ITGA9: variants seen among roughly 807,000 people sequenced by gnomAD.
The protein encoded by ITGA9 is integrin subunit alpha 9.
A neutral mutation model predicts 127.8 loss-of-function variants in ITGA9; 56 were observed. That is an observed-to-expected ratio of 0.44 (90% CI 0.35 to 0.55). The LOEUF (loss-of-function observed/expected upper bound fraction) is 0.55, where lower values mean the gene tolerates loss of function less well. ITGA9 is among the 20% of genes least tolerant of loss of function. The probability of loss-of-function intolerance (pLI) is 0.00; values close to 1 mark genes in which losing one functional copy is unlikely to be tolerated. For missense variants in ITGA9, 1,196 were observed against 1,347.1 expected, an observed-to-expected ratio of 0.89 and a Z score of 1.76; for synonymous variants, 508 against 514.5, an observed-to-expected ratio of 0.99 and a Z score of 0.17.
chr3:37,452,411 C>A lies in ITGA9; in HGVS notation c.37C>A (p.Leu13Ile). Residue 13 changes from leucine (L) to isoleucine (I), a missense_variant, in exon 1 of 28, where the codon CTC becomes ATC. Physicochemically the swap from Leu to Ile is conservative, Grantham distance 5. Transcript: ENST00000264741. This position sits in a 1 kb window ranked among gnomAD's most constrained non-coding sequence, Gnocchi z 7.3. ...GGCTGCGCCGAGGGGCGCCGGGAGG[C>A]TCCGCGCGCTGCTGCTGGCGCTGGT... ...GPAAPRGAGRLRALLLALVVA... is the reference protein window; with the variant it reads ...GPAAPRGAGRIRALLLALVVA... The A allele has an allele frequency of 3.5e-6, 5 of 1,436,852 alleles. No individual in the cohort carries two copies. Among genetic ancestry groups the A allele is most frequent in the Non-Finnish European group, 4.6e-6 (5 of 1,092,562 alleles). The allele number at this position is 1,436,852 out of a possible 1,614,324, so 89.0% of individuals were successfully genotyped here. A position where few individuals can be genotyped will look rare whatever the true frequency, so the allele number is the denominator to read the frequency against.
chr3:37,622,876 C>T (rs1700140850), intron 15 of ITGA9, among the ~76,000 whole-genome samples: 1 of 152,002 alleles, frequency 6.6e-6, no homozygotes, highest in Admixed American at 6.6e-5. Context: ...CCATTTATTG[C>T]TTGCCTACAG....
intron 15 of ITGA9, among the ~76,000 whole-genome samples, chr3:37,545,413 A>G (rs940993176): frequency 1.3e-5 from 2 of 151,310 alleles, no homozygotes; most frequent in Admixed American, 6.6e-5. Context: ...TTCTTGCCAT[A>G]TATGGTGATA....
At chr3:37,732,306 T>G (rs183043460) in intron 18 of ITGA9, among the ~76,000 whole-genome samples, 1 of 152,114 alleles carries the variant, frequency 6.6e-6, no homozygotes, top group East Asian at 1.9e-4. Context: ...GTGATTTTCT[T>G]AGAGTTTGTC....
At chr3:37,651,694 A>G (rs1700431026) in intron 16 of ITGA9, among the ~76,000 whole-genome samples, 1 of 152,198 alleles carries the variant, frequency 6.6e-6, no homozygotes, top group Non-Finnish European at 1.5e-5. Flanking sequence ...ATGGGCCTGA[A>G]CTTGCCCAGG....
chr3:37,616,544 T>C (rs1700076606), intron 15 of ITGA9, among the ~76,000 whole-genome samples: 1 of 152,238 alleles, frequency 6.6e-6, no homozygotes, highest in Non-Finnish European at 1.5e-5. Flanking sequence ...CTCGTTGATC[T>C]GTCTAATGTT....
intron 27 of ITGA9, among the ~76,000 whole-genome samples, chr3:37,811,508 C>A (rs541217534): frequency 1.3e-5 from 2 of 152,058 alleles, no homozygotes; most frequent in Non-Finnish European, 2.9e-5. Context: ...GAAAGACACC[C>A]CCCTTCCCTT....
intron 21 of ITGA9, among the ~76,000 whole-genome samples, chr3:37,742,443 C>A (rs1489711099): frequency 2.0e-5 from 3 of 152,170 alleles, no homozygotes; most frequent in Non-Finnish European, 4.4e-5. Flanking sequence ...GAAAGCAGGA[C>A]CCTGGGCTGC....
rs1231667111 is a variant in ITGA9, at chr3:37,495,668, C to T, written c.612+1100C>T. ...TGGAGGTACACTGGCCCTGATTGGT[C>T]TTCTTATGTCTATTATGCTTTTTTA... On this transcript the variant is annotated intron_variant, in intron 5 of 27. Coordinates refer to ENST00000264741, the MANE Select transcript of ITGA9 (RefSeq NM_002207.3). 2.0e-5 allele frequency among the ~76,000 whole-genome samples: 3 copies of T among 152,296 alleles called. No individual in the cohort carries two copies. The East Asian group carries it at 5.8e-4, about 29-fold the overall frequency.
chr3:37,631,706 G>T (rs1454560994), intron 16 of ITGA9, among the ~76,000 whole-genome samples: 2 of 152,312 alleles, frequency 1.3e-5, no homozygotes, highest in African/African-American at 4.8e-5. Flanking sequence ...GCCACAGCCA[G>T]GCCAACAGTT....
At chr3:37,499,007 A>C (rs1209737161) in intron 5 of ITGA9, among the ~76,000 whole-genome samples, 1 of 152,338 alleles carries the variant, frequency 6.6e-6, no homozygotes. Flanking sequence ...CCTTCTGGTC[A>C]TAGCTATGTT....
chr3:37,816,359 G>A lies in ITGA9; in HGVS notation c.3010-2532G>A, dbSNP rs552661237. On this transcript the variant is annotated intron_variant, in intron 27 of 27. Transcript: ENST00000264741. ...CTGGAATTACAACTGAGTGACCTGG[G>A]ATTATTGACACATTACAACATCAGC... Among the ~76,000 whole-genome samples the A allele has an allele frequency of 6.6e-5, 10 of 152,244 alleles. 1 individual carries two copies. In the South Asian group the frequency reaches 2.1e-3, roughly 32 times the overall value.
rs1365501941 is a variant in ITGA9 at position 37,814,254 on chromosome 3, A to G, written c.3010-4637A>G. On this transcript the variant is annotated intron_variant, in intron 27 of 27. Coordinates refer to ENST00000264741, the MANE Select transcript of ITGA9 (RefSeq NM_002207.3). This position sits in a 1 kb window ranked among gnomAD's most constrained non-coding sequence, Gnocchi z 4.3. ...TCTCTTAGGCAGAGACGAAGACACT[A>G]TGGCTCGAAGCCAGAAAATAACCTT... Among the ~76,000 whole-genome samples the G allele has an allele frequency of 2.0e-5, 3 of 152,192 alleles. No homozygotes were observed. Among genetic ancestry groups the G allele is most frequent in the Non-Finnish European group, 4.4e-5 (3 of 68,036 alleles).
At chr3:37,542,725 CT>C in intron 15 of ITGA9, 140 bp downstream of exon 15, 1 of 892,998 alleles carries the variant, frequency 1.1e-6, no homozygotes, top group African/African-American at 1.7e-5. Flanking sequence ...TCCATTTCTT[CT>C]TTTCTTTTAA....
intron 15 of ITGA9, among the ~76,000 whole-genome samples, chr3:37,616,412 G>T (rs1338350131): frequency 1.3e-5 from 2 of 152,156 alleles, no homozygotes; most frequent in Non-Finnish European, 2.9e-5. Context: ...GAACAGGTGT[G>T]GTGTGGTGCT....
intron 13 of ITGA9, among the ~76,000 whole-genome samples, chr3:37,532,177 C>T (rs1699158777): frequency 6.6e-6 from 1 of 152,256 alleles, no homozygotes; most frequent in South Asian, 2.1e-4. Flanking sequence ...CAGATTTGCT[C>T]TGGAAGTCCC....
At chr3:37,476,573 C>T (rs57496508) in intron 3 of ITGA9, among the ~76,000 whole-genome samples, 18,833 of 152,012 alleles carry the variant, frequency 0.12, 1,215 homozygotes, top group Middle Eastern at 0.17. Context: ...ATCCTCATGG[C>T]ATTTTGCACA....
At chr3:37,562,764 C>T (rs1199422380) in intron 15 of ITGA9, among the ~76,000 whole-genome samples, 1 of 152,176 alleles carries the variant, frequency 6.6e-6, no homozygotes, top group Non-Finnish European at 1.5e-5. Flanking sequence ...CTATACTTCC[C>T]TGGGCATGAT....
At chr3:37,563,207 A>G (rs1374103414) in intron 15 of ITGA9, among the ~76,000 whole-genome samples, 4 of 152,176 alleles carry the variant, frequency 2.6e-5, no homozygotes, top group Admixed American at 2.6e-4. Flanking sequence ...ATAGTTTCAA[A>G]CAGTTGTGCA....
chr3:37,742,816 G>A (rs1317983363), intron 21 of ITGA9, among the ~76,000 whole-genome samples: 1 of 152,110 alleles, frequency 6.6e-6, no homozygotes, highest in South Asian at 2.1e-4. Flanking sequence ...TGAGCTTTTG[G>A]CATTTTTGGT....
Sources: gnomAD v4.1 joint callset for allele counts (sites outside exome capture counted in the v4.1 genomes callset) on GRCh38, gnomAD v4.1.1 for gene constraint, Gnocchi (gnomAD v3.1) non-coding constraint, MANE v1.5 for transcripts, NCBI Gene and HGNC (gene_info 2026-07-23, HGNC 2026-07-21) for gene names.